CEP57: variants seen among roughly 807,000 people sequenced by gnomAD.
CEP57 encodes the protein centrosomal protein 57.
In CEP57, 40 loss-of-function variants were observed where a neutral mutation model predicts 68.0. The ratio of observed to expected loss-of-function variants is 0.59; its 90% CI spans 0.46 to 0.77. The LOEUF (loss-of-function observed/expected upper bound fraction) is 0.77, where lower values mean the gene tolerates loss of function less well. CEP57 is among the 30% of genes least tolerant of loss of function. The probability of loss-of-function intolerance (pLI) is 0.00; values close to 1 mark genes in which losing one functional copy is unlikely to be tolerated. For missense variants in CEP57, 606 were observed against 580.7 expected (o/e 1.04, Z -0.45); for synonymous variants, 219 against 198.7 (o/e 1.10, Z -0.86).
chr11:95,823,020 A>G (rs914154289), intron 8 of CEP57: 1 of 207,612 alleles, frequency 4.8e-6, no homozygotes, highest in Admixed American at 5.2e-5. Flanking sequence ...AGTCATACGT[A>G]CACTTGAATC....
chr11:95,813,219 T>A, intron 3 of CEP57, 108 bp downstream of exon 3: 1 of 1,169,636 alleles, frequency 8.5e-7, no homozygotes, highest in Non-Finnish European at 1.2e-6. Flanking sequence ...CTTCAAGTAC[T>A]ACAAAACTGC....
intron 4 of CEP57, among the ~76,000 whole-genome samples, chr11:95,816,697 A>T (rs927738864): frequency 1.3e-5 from 2 of 152,186 alleles, no homozygotes; most frequent in African/African-American, 4.8e-5. Context: ...CCTTATTTTG[A>T]AGACACAGTT....
In CEP57 at chr11:95,828,022, G is replaced by T. The variant is rs764662402; in HGVS notation, c.1122G>T (p.Met374Ile). The T allele has an allele frequency of 1.9e-6, 3 of 1,612,808 alleles. No individual in the cohort carries two copies. In the East Asian group the frequency reaches 6.7e-5, roughly 36 times the overall value. ...LQTLQDEFGQMSFDHQQLAKL... is the reference protein window; with the variant it reads ...LQTLQDEFGQISFDHQQLAKL... ...CTTTACAGGATGAATTTGGGCAAAT[G>T]AGCTTGTGAGTTTTTGTTTTTTTTT... Residue 374 changes from methionine (M) to isoleucine (I), a missense_variant, in exon 9 of 11, where the codon ATG becomes ATT. Coordinates refer to ENST00000325542, the MANE Select transcript of CEP57 (RefSeq NM_014679.5).
intron 6 of CEP57, among the ~76,000 whole-genome samples, chr11:95,819,894 A>G (rs1295017736): frequency 7.2e-6 from 1 of 139,438 alleles, no homozygotes; most frequent in African/African-American, 2.5e-5. Flanking sequence ...CCTTCTGATC[A>G]ATTTGTAGAT....
intron 8 of CEP57, chr11:95,826,896 T>C (rs568010222): frequency 5.3e-5 from 8 of 152,334 alleles, no homozygotes; most frequent in African/African-American, 1.9e-4. Context: ...TGCATTCACT[T>C]TGCTAGCTAA....
chr11:95,818,883 C>T lies in CEP57; in HGVS notation c.678C>T (p.Arg226=). ...KLHEEEQERK[R]MQAKAAELQT... Reference sequence around the variant, plus strand: ...ATGAAGAAGAACAGGAAAGGAAACGCATGCAAGCTAAGGCAGCTGAGGTAA... The same window carrying T: ...ATGAAGAAGAACAGGAAAGGAAACGTATGCAAGCTAAGGCAGCTGAGGTAA... Residue 226 remains arginine, a synonymous_variant, in exon 6 of 11, where the codon CGC becomes CGT. Coordinates refer to ENST00000325542, the MANE Select transcript of CEP57 (RefSeq NM_014679.5). 1 of 1,613,916 alleles carries T rather than the reference C, an allele frequency of 6.2e-7. No homozygotes were observed. The highest frequency in any genetic ancestry group is 8.5e-7 in the Non-Finnish European group (1 of 1,179,882).
chr11:95,797,208 C>G (rs1861388857), intron 1 of CEP57, among the ~76,000 whole-genome samples: 1 of 141,028 alleles, frequency 7.1e-6, no homozygotes, highest in Non-Finnish European at 1.5e-5. Context: ...ACTCTCTTGC[C>G]TAGGCTGTAG....
intron 2 of CEP57, among the ~76,000 whole-genome samples, chr11:95,800,275 CT>C (rs1329228115): frequency 2.6e-5 from 4 of 152,196 alleles, no homozygotes; most frequent in Non-Finnish European, 5.9e-5. Flanking sequence ...GATTCTGTTG[CT>C]TTGCAGACTT....
chr11:95,812,247 C>T (rs925983077), intron 2 of CEP57, among the ~76,000 whole-genome samples: 3 of 151,888 alleles, frequency 2.0e-5, no homozygotes, highest in Admixed American at 1.3e-4. Flanking sequence ...AATACATTTA[C>T]TAATTTTAAT....
At chr11:95,799,013 C>A (rs1264259160) in intron 1 of CEP57, among the ~76,000 whole-genome samples, 2 of 152,138 alleles carry the variant, frequency 1.3e-5, no homozygotes, top group African/African-American at 4.8e-5. Context: ...GTTGTATGAA[C>A]ATTATTTTCT....
intron 2 of CEP57, among the ~76,000 whole-genome samples, chr11:95,800,712 C>T (rs1861541024): frequency 6.6e-6 from 1 of 152,146 alleles, no homozygotes; most frequent in Non-Finnish European, 1.5e-5. Flanking sequence ...TTTCAAATCT[C>T]TCTGAGTTCT....
At chr11:95,816,315 C>G (rs532270448) in intron 4 of CEP57, among the ~76,000 whole-genome samples, 4 of 152,292 alleles carry the variant, frequency 2.6e-5, no homozygotes, top group African/African-American at 9.6e-5. Flanking sequence ...GATCTAATCA[C>G]CTTCCATGAG....
chr11:95,808,241 C>A (rs183280855), intron 2 of CEP57, among the ~76,000 whole-genome samples: 1 of 151,978 alleles, frequency 6.6e-6, no homozygotes, highest in Non-Finnish European at 1.5e-5. Context: ...AAGGAACAAC[C>A]GGTACCAGCC....
chr11:95,798,247 C>A (rs926667868), intron 1 of CEP57, among the ~76,000 whole-genome samples: 1 of 152,048 alleles, frequency 6.6e-6, no homozygotes, highest in Non-Finnish European at 1.5e-5. Flanking sequence ...TATTTGCTTT[C>A]TTAAATCACC....
chr11:95,790,765 T>C (rs1197895401), intron 1 of CEP57, 22 bp downstream of exon 1: 1 of 1,613,556 alleles, frequency 6.2e-7, no homozygotes, highest in Admixed American at 1.7e-5. Flanking sequence ...TTGGCGCGAG[T>C]GGGCCCCACG....
Position 95,822,042 on chromosome 11 carries a change from C to G in CEP57, c.807+64C>G, listed in dbSNP as rs1236741530. 2.4e-5 allele frequency: 25 copies of G among 1,056,396 alleles called. No homozygotes were observed. The East Asian group carries it at 6.0e-4, about 26-fold the overall frequency. The allele number at this position is 1,056,396 out of a possible 1,614,324, so 65.4% of individuals were successfully genotyped here. A position where few individuals can be genotyped will look rare whatever the true frequency, so the allele number is the denominator to read the frequency against. On this transcript the variant is annotated intron_variant, in intron 7 of 10. Coordinates refer to ENST00000325542, the MANE Select transcript of CEP57 (RefSeq NM_014679.5). ...CTTGGTATAGTTTATGTCAAAACAC[C>G]CATAAACTGTGTGGTGTACTACAAC...
intron 1 of CEP57, among the ~76,000 whole-genome samples, chr11:95,792,495 A>G (rs866908479): frequency 2.2e-4 from 33 of 152,332 alleles, no homozygotes; most frequent in Middle Eastern, 3.4e-3. Flanking sequence ...TAAAATATTA[A>G]ATAAACGTTT....
intron 1 of CEP57, among the ~76,000 whole-genome samples, chr11:95,795,912 A>G (rs551789225): frequency 1.4e-4 from 21 of 152,286 alleles, no homozygotes; most frequent in African/African-American, 4.8e-4. Context: ...TGCCTTTTAT[A>G]TCCATTTCTA....
intron 2 of CEP57, among the ~76,000 whole-genome samples, chr11:95,803,697 T>G (rs994692610): frequency 6.6e-5 from 10 of 152,058 alleles, no homozygotes; most frequent in Admixed American, 6.6e-4. Context: ...TCCATCTTTT[T>G]TTTTTTTCGG....
Sources: allele counts gnomAD v4.1 joint callset (sites outside exome capture counted in the v4.1 genomes callset), GRCh38; gene constraint gnomAD v4.1.1; transcripts MANE v1.5; gene names NCBI Gene and HGNC (gene_info 2026-07-23, HGNC 2026-07-21).